The following RUVBL1 variants were observed in gnomAD, a reference collection of about 807,000 sequenced individuals.
The protein encoded by RUVBL1 is RuvB like AAA ATPase 1.
RUVBL1 carries 4 observed loss-of-function variants against 52.4 expected under a neutral mutation model. The ratio of observed to expected loss-of-function variants is 0.08; its 90% CI spans 0.04 to 0.17. The LOEUF (loss-of-function observed/expected upper bound fraction) is 0.17, where lower values mean the gene tolerates loss of function less well. Ranked by LOEUF, RUVBL1 falls within the 10% of genes least tolerant of loss-of-function variation. The probability of loss-of-function intolerance (pLI) is 1.00; values close to 1 mark genes in which losing one functional copy is unlikely to be tolerated. For missense variants in RUVBL1, 298 were observed against 572.8 expected, an observed-to-expected ratio of 0.52 and a Z score of 4.90; for synonymous variants, 217 against 214.4, an observed-to-expected ratio of 1.01 and a Z score of -0.10.
At chr3:128,130,630 T>C (rs1211390518) in intron 1 of RUVBL1, among the ~76,000 whole-genome samples, 1 of 5,924 alleles carries the variant, frequency 1.7e-4, no homozygotes, top group African/African-American at 7.6e-4. Context: ...TTTATTTATG[T>C]ATTTATTTAT....
chr3:128,065,110 C>T (rs1226411156), exon 10 of RUVBL1: 2 of 1,472,300 alleles, frequency 1.4e-6, no homozygotes, highest in Non-Finnish European at 1.9e-6. Context: ...TGTGCAGTCC[C>T]CCACTCTGTG....
upstream of RUVBL1, among the ~76,000 whole-genome samples, chr3:128,126,469 T>A (rs983690773): frequency 6.6e-6 from 1 of 151,014 alleles, no homozygotes; most frequent in African/African-American, 2.4e-5. Flanking sequence ...TCGCTTGAAC[T>A]CAGGAGGTGG....
chr3:128,150,703 A>C (rs1404604720), intron 1 of RUVBL1, among the ~76,000 whole-genome samples: 8 of 124,260 alleles, frequency 6.4e-5, no homozygotes, highest in African/African-American at 1.2e-4. Context: ...TATATATTCT[A>C]TATATATTCT....
At chr3:128,076,121 GAGTTCCGAGTGGGTCCCGGC>G (rs1204477597), downstream of RUVBL1, 1 of 152,522 alleles carries the variant, frequency 6.6e-6, no homozygotes, top group East Asian at 1.9e-4. The surrounding 1 kb of genome is among the most constrained non-coding windows in gnomAD (Gnocchi z 6.8). Context: ...CCCGATTCCC[GAGTTCCGAGTGGGTCCCGGC>G]GGACCAGCGC....
At chr3:128,085,615 T>A (rs369973078) in intron 9 of RUVBL1, among the ~76,000 whole-genome samples, 20 of 152,206 alleles carry the variant, frequency 1.3e-4, no homozygotes, top group South Asian at 6.2e-4. Context: ...CCATAACTGC[T>A]TCAGTAATTT....
chr3:128,071,819 T>G (rs560537371), intron 9 of RUVBL1: 28 of 152,570 alleles, frequency 1.8e-4, no homozygotes, highest in African/African-American at 6.0e-4. Flanking sequence ...AAAGTTCCCT[T>G]CTGATGGTCA....
chr3:128,072,510 G>T (rs778518263), intron 9 of RUVBL1, among the ~76,000 whole-genome samples: 1 of 152,212 alleles, frequency 6.6e-6, no homozygotes, highest in Non-Finnish European at 1.5e-5. Context: ...GTGTGGGCCT[G>T]GCCTTGCAGA....
chr3:128,145,552 G>A (rs560850234), intron 1 of RUVBL1, among the ~76,000 whole-genome samples: 14 of 152,338 alleles, frequency 9.2e-5, no homozygotes, highest in Admixed American at 9.1e-4. Flanking sequence ...GCGGGCGAGT[G>A]TTGGGGTGGG....
At chr3:128,139,863 T>A (rs1406086421) in intron 1 of RUVBL1, among the ~76,000 whole-genome samples, 1 of 152,090 alleles carries the variant, frequency 6.6e-6, no homozygotes, top group East Asian at 1.9e-4. Context: ...GGGAGTACAA[T>A]AATGGTTACA....
chr3:128,086,556 C>G (rs757691560), intron 9 of RUVBL1, among the ~76,000 whole-genome samples: 5 of 152,196 alleles, frequency 3.3e-5, no homozygotes, highest in Non-Finnish European at 7.3e-5. Context: ...GTGGGCAGGG[C>G]AGAGGAAAGA....
At position 128,067,363 on chromosome 3, in the gene RUVBL1, C is replaced by T; in HGVS notation, c.940-2143G>A. On this transcript the variant is annotated intron_variant, in intron 9 of 9. Coordinates refer to the RUVBL1 transcript ENST00000464873. This position sits in a 1 kb window ranked among gnomAD's most constrained non-coding sequence, Gnocchi z 4.1. ...TTCATCTGCTCAGAACTATTTTTGCCTTGATGCTAAAGTAAAATGAAGGAG... is the reference window on the plus strand; with the variant it reads ...TTCATCTGCTCAGAACTATTTTTGCTTTGATGCTAAAGTAAAATGAAGGAG... The T allele has an allele frequency of 1.3e-6, 2 of 1,542,678 alleles. No individual in the cohort carries two copies. The highest frequency in any genetic ancestry group is 1.9e-5 in the Admixed American group (1 of 51,876).
intron 9 of RUVBL1, among the ~76,000 whole-genome samples, chr3:128,074,867 T>TAAAAAAAAAAAA (rs1942264981): frequency 8.5e-6 from 1 of 117,424 alleles, no homozygotes; most frequent in African/African-American, 3.2e-5. Flanking sequence ...AAAAAAAAAC[T>TAAAAAAAAAAAA]TAAAAAACCA....
intron 1 of RUVBL1, among the ~76,000 whole-genome samples, chr3:128,147,506 A>C (rs1037301729): frequency 3.3e-5 from 5 of 152,178 alleles, no homozygotes; most frequent in African/African-American, 1.2e-4. Context: ...AGGAGTTTGA[A>C]ACTGCAGTGA....
At chr3:128,121,726 A>C (rs1348913735) in intron 1 of RUVBL1, among the ~76,000 whole-genome samples, 1 of 151,684 alleles carries the variant, frequency 6.6e-6, no homozygotes, top group East Asian at 2.0e-4. Context: ...AAAAAAAAAA[A>C]AAAAAAAACT....
intron 1 of RUVBL1, among the ~76,000 whole-genome samples, chr3:128,140,804 A>G (rs1944010342): frequency 6.6e-6 from 1 of 152,232 alleles, no homozygotes; most frequent in Admixed American, 6.5e-5. Context: ...TTCAATATTC[A>G]GTAAAGATGT....
At position 128,067,340 on chromosome 3, in the gene RUVBL1, C is replaced by G; in HGVS notation, c.940-2120G>C. ...GGCACCGAGTAAAATTGCATTCTTTCATCTGCTCAGAACTATTTTTGCCTT... is the reference window on the plus strand; with the variant it reads ...GGCACCGAGTAAAATTGCATTCTTTGATCTGCTCAGAACTATTTTTGCCTT... On this transcript the variant is annotated intron_variant, in intron 9 of 9. Transcript: ENST00000464873. This position sits in a 1 kb window ranked among gnomAD's most constrained non-coding sequence, Gnocchi z 4.1. 8 of 1,450,256 alleles carry G rather than the reference C, an allele frequency of 5.5e-6. No homozygotes were observed. The highest frequency in any genetic ancestry group is 7.5e-6 in the Non-Finnish European group (8 of 1,063,980). The allele number at this position is 1,450,256 out of a possible 1,614,324, so 89.8% of individuals were successfully genotyped here.
intron 2 of RUVBL1, among the ~76,000 whole-genome samples, chr3:128,115,414 CAA>C (rs1366630397): frequency 1.3e-5 from 2 of 152,202 alleles, no homozygotes; most frequent in African/African-American, 2.4e-5. Flanking sequence ...GTGAGGTCCT[CAA>C]GAGTGGAAAT....
At chr3:128,091,789 G>A (rs1318499754) in intron 8 of RUVBL1, among the ~76,000 whole-genome samples, 2 of 152,164 alleles carry the variant, frequency 1.3e-5, no homozygotes, top group African/African-American at 4.8e-5. Context: ...CCCACTAGAT[G>A]CCAGCAGCAC....
chr3:128,084,051 C>T (rs1452286308), intron 9 of RUVBL1: 2 of 152,916 alleles, frequency 1.3e-5, no homozygotes, highest in African/African-American at 4.8e-5. Context: ...GCACTCCAGC[C>T]TGGGCAACAA....
Sources: allele counts gnomAD v4.1 joint callset (sites outside exome capture counted in the v4.1 genomes callset), GRCh38; gene constraint gnomAD v4.1.1; non-coding constraint Gnocchi (gnomAD v3.1); transcripts MANE v1.5; gene names NCBI Gene and HGNC (gene_info 2026-07-23, HGNC 2026-07-21).